NDST3: variants seen among roughly 807,000 people sequenced by gnomAD.
NDST3 encodes the protein N-deacetylase and N-sulfotransferase 3, also known as bifunctional heparan sulfate N-deacetylase/N-sulfotransferase 3.
NDST3 carries 58 observed loss-of-function variants against 96.1 expected under a neutral mutation model. The ratio of observed to expected loss-of-function variants is 0.60; its 90% confidence interval spans 0.49 to 0.75. The LOEUF (loss-of-function observed/expected upper bound fraction) is 0.75. Among genes scored for constraint, NDST3 ranks in the 30% least tolerant of loss-of-function variants. The probability of loss-of-function intolerance (pLI) is 0.00; values close to 1 mark genes in which losing one functional copy is unlikely to be tolerated. For missense variants in NDST3, 788 were observed against 1,034.2 expected, an observed-to-expected ratio of 0.76 and a Z score of 3.27; for synonymous variants, 333 against 359.7, an observed-to-expected ratio of 0.93 and a Z score of 0.84.
chr4:118,138,066 C>A lies in NDST3; in HGVS notation c.1237C>A (p.Pro413Thr). The change falls in exon 5 of 14, where the codon CCA (proline) becomes ACA (threonine). Residue 413 changes from proline to threonine, a missense_variant. Physicochemically the swap from Pro to Thr is conservative, Grantham distance 38 (BLOSUM62 -1). Transcript: ENST00000296499. ...TGCTTGGTCTTAGGAGCACGGCATT[C>A]CAACGGACATGGGCTACGCTGTGGC... The part of the protein sequence containing the change: ...NKKFALEHGI[P>T]TDMGYAVAPH... 4.4e-6 allele frequency: 7 copies of A among 1,607,376 alleles called. No homozygotes were observed. Among genetic ancestry groups the A allele is most frequent in the Non-Finnish European group, 5.9e-6 (7 of 1,177,214 alleles).
chr4:118,097,527 C>CCAGG lies in NDST3; in HGVS notation c.982-7490_982-7487dup, dbSNP rs141029391. ...ATAATGTCCCCTATATCAAAATCAC[C>CCAGG]CAGGGTATGTTGCCTTTGCTCAGAA... On this transcript the variant is annotated intron_variant, in intron 2 of 13. Coordinates refer to ENST00000296499, the MANE Select transcript of NDST3 (RefSeq NM_004784.3). Among the ~76,000 whole-genome samples, 573 of 151,880 alleles carry CCAGG rather than the reference C, an allele frequency of 3.8e-3. 3 individuals carry two copies. Among genetic ancestry groups the CCAGG allele is most frequent in the African/African-American group, 0.013 (543 of 41,452 alleles).
chr4:118,232,942 C>G, intron 8 of NDST3, 70 bp from the exon 9 acceptor site: 1 of 1,425,196 alleles, frequency 7.0e-7, no homozygotes, highest in Non-Finnish European at 9.7e-7. Flanking sequence ...TTATTCATGA[C>G]TTTAAAGTGT....
chr4:118,102,715 G>A (rs1200028725), intron 2 of NDST3, among the ~76,000 whole-genome samples: 2 of 152,100 alleles, frequency 1.3e-5, no homozygotes, highest in East Asian at 3.9e-4. Context: ...TAAAAGGTGG[G>A]AATAATGGAT....
At chr4:118,044,054 T>TC (rs1253304278) in intron 1 of NDST3, among the ~76,000 whole-genome samples, 1 of 152,196 alleles carries the variant, frequency 6.6e-6, no homozygotes, top group Non-Finnish European at 1.5e-5. Flanking sequence ...GAGCAAATAC[T>TC]CTTCACCACT....
intron 3 of NDST3, among the ~76,000 whole-genome samples, chr4:118,108,812 C>T (rs574798899): frequency 2.6e-5 from 4 of 152,120 alleles, no homozygotes; most frequent in Non-Finnish European, 4.4e-5. Flanking sequence ...ACATAAGAAG[C>T]GTGGAAGCTT....
chr4:118,170,571 T>C (rs1735875310), intron 6 of NDST3, among the ~76,000 whole-genome samples: 1 of 151,886 alleles, frequency 6.6e-6, no homozygotes, highest in African/African-American at 2.4e-5. Flanking sequence ...CTACTAAAAA[T>C]ACAAAAAATT....
intron 4 of NDST3, among the ~76,000 whole-genome samples, chr4:118,127,816 T>G (rs1732242783): frequency 6.6e-6 from 1 of 152,094 alleles, no homozygotes; most frequent in East Asian, 1.9e-4. Flanking sequence ...ATTCTTCTCA[T>G]CCATGAACAT....
intron 2 of NDST3, among the ~76,000 whole-genome samples, chr4:118,096,163 G>A (rs1378620018): frequency 6.6e-6 from 1 of 151,808 alleles, no homozygotes; most frequent in Non-Finnish European, 1.5e-5. Flanking sequence ...TTCCAAAGGG[G>A]CTGAACCACA....
At chr4:118,098,466 C>T (rs1461888059) in intron 2 of NDST3, among the ~76,000 whole-genome samples, 2 of 151,948 alleles carry the variant, frequency 1.3e-5, no homozygotes, top group Non-Finnish European at 2.9e-5. Flanking sequence ...CAAGTGAATA[C>T]TTCGTGATGG....
intron 6 of NDST3, among the ~76,000 whole-genome samples, chr4:118,178,601 C>T (rs552813780): frequency 2.2e-4 from 34 of 152,120 alleles, no homozygotes; most frequent in African/African-American, 7.7e-4. Flanking sequence ...ACTTAAATTG[C>T]TTCCACCTTG....
intron 2 of NDST3, among the ~76,000 whole-genome samples, chr4:118,064,414 A>C (rs1726139995): frequency 6.6e-6 from 1 of 152,132 alleles, no homozygotes; most frequent in African/African-American, 2.4e-5. Flanking sequence ...CTGAAGTACA[A>C]AATGGATCTT....
intron 4 of NDST3, among the ~76,000 whole-genome samples, chr4:118,121,218 A>G (rs1464862631): frequency 2.0e-5 from 3 of 152,140 alleles, no homozygotes; most frequent in Non-Finnish European, 4.4e-5. Flanking sequence ...AGTTATTAGT[A>G]TTGTTGAACA....
intron 1 of NDST3, among the ~76,000 whole-genome samples, chr4:118,038,602 GA>G: frequency 6.6e-6 from 1 of 152,134 alleles, no homozygotes; most frequent in Non-Finnish European, 1.5e-5. Context: ...CTTTCCCAAA[GA>G]AAAGCTTGCC....
intron 12 of NDST3, among the ~76,000 whole-genome samples, chr4:118,243,345 C>T (rs1382483771): frequency 2.0e-5 from 3 of 152,088 alleles, no homozygotes; most frequent in East Asian, 1.9e-4. Context: ...TATAGAGACA[C>T]GTAAGGGAGG....
chr4:118,060,024 C>A (rs1044621293), intron 2 of NDST3, among the ~76,000 whole-genome samples: 3 of 151,958 alleles, frequency 2.0e-5, no homozygotes, highest in Admixed American at 6.6e-5. Flanking sequence ...ATACAGTATG[C>A]CTCATGTACT....
At chr4:118,120,914 C>T (rs1304355667) in intron 4 of NDST3, among the ~76,000 whole-genome samples, 3 of 152,122 alleles carry the variant, frequency 2.0e-5, no homozygotes, top group Admixed American at 6.6e-5. Context: ...ATTAATGTAG[C>T]CAAAGATCAC....
At position 118,226,911 on chromosome 4, in the gene NDST3, G is replaced by A. The variant is rs1442671306; in HGVS notation, c.1748G>A (p.Arg583Lys). The A allele has an allele frequency of 1.9e-6, 3 of 1,613,304 alleles. No individual in the cohort carries two copies. Among genetic ancestry groups the A allele is most frequent in the Non-Finnish European group, 2.5e-6 (3 of 1,179,732 alleles). ...AATCCTTGCGATGACAAACGCCACA[G>A]AGACATTTGGTCTAAAGAAAAAACT... is the stretch of plus-strand genomic sequence containing the variant. The part of the protein sequence containing the change: ...WQNPCDDKRH[R>K]DIWSKEKTCD... The change falls in exon 8 of 14, where the codon AGA becomes AAA. Residue 583 changes from arginine to lysine, a missense_variant. Around this residue, in one of 3 missense-constraint regions of NDST3, gnomAD observed 490 missense variants for 708.8 expected, o/e 0.69. Coordinates refer to ENST00000296499, the MANE Select transcript of NDST3 (RefSeq NM_004784.3).
At chr4:118,116,286 AT>A (rs1731089577) in intron 4 of NDST3, among the ~76,000 whole-genome samples, 1 of 152,200 alleles carries the variant, frequency 6.6e-6, no homozygotes, top group Non-Finnish European at 1.5e-5. Context: ...AGAGAAAGGG[AT>A]TTGTGAGAGA....
At chr4:118,255,537 G>A (rs912383768) in intron 13 of NDST3, 56 bp from the exon 14 acceptor site, 6 of 1,519,988 alleles carry the variant, frequency 3.9e-6, no homozygotes, top group African/African-American at 2.8e-5. Context: ...TAGTCAAAGT[G>A]TATGAAATGT....
Sources: allele counts gnomAD v4.1 joint callset (sites outside exome capture counted in the v4.1 genomes callset), GRCh38; gene constraint gnomAD v4.1.1; regional missense constraint gnomAD v4.1.1; transcripts MANE v1.5; gene names NCBI Gene and HGNC (gene_info 2026-07-23, HGNC 2026-07-21).